Variants in PSD3 observed in about 807,000 individuals in gnomAD.
The protein encoded by PSD3 is pleckstrin and Sec7 domain containing 3.
In PSD3, 49 loss-of-function variants were observed where a neutral mutation model predicts 105.5. That is an observed-to-expected ratio of 0.46 (90% confidence interval 0.37 to 0.59). The LOEUF (loss-of-function observed/expected upper bound fraction) is 0.59. Among genes scored for constraint, PSD3 ranks in the 20% least tolerant of loss-of-function variants. PSD3 has a pLI of 0.00. For synonymous variants in PSD3, 557 were observed against 457.8 expected (o/e 1.22, Z -2.77); for missense variants, 1,561 against 1,263.8 (o/e 1.24, Z -3.57).
intron 9 of PSD3, among the ~76,000 whole-genome samples, chr8:18,755,484 T>C (rs1331665622): frequency 1.3e-5 from 2 of 151,224 alleles, no homozygotes; most frequent in Non-Finnish European, 2.9e-5. Flanking sequence ...TAACATAACA[T>C]AAAAATGCTC....
intron 11 of PSD3, among the ~76,000 whole-genome samples, chr8:18,621,587 C>A (rs1806112358): frequency 6.6e-6 from 1 of 152,108 alleles, no homozygotes; most frequent in Non-Finnish European, 1.5e-5. Flanking sequence ...TCTAAAACAG[C>A]CAATATTCCA....
intron 1 of PSD3, among the ~76,000 whole-genome samples, chr8:19,049,272 G>C (rs917601304): frequency 6.6e-6 from 1 of 152,158 alleles, no homozygotes; most frequent in Admixed American, 6.5e-5. Flanking sequence ...GGAGCGGAGA[G>C]ACTATCTCCC....
intron 11 of PSD3, among the ~76,000 whole-genome samples, chr8:18,604,178 G>C (rs1315350138): frequency 6.6e-6 from 1 of 152,188 alleles, no homozygotes; most frequent in Non-Finnish European, 1.5e-5. Context: ...TGGATGAATG[G>C]TTATGACCAA....
chr8:19,045,895 C>CA (rs1251957409), intron 1 of PSD3, among the ~76,000 whole-genome samples: 1 of 152,206 alleles, frequency 6.6e-6, no homozygotes, highest in East Asian at 1.9e-4. Context: ...TCAGGGCTTG[C>CA]ATTACGTCTA....
intron 1 of PSD3, among the ~76,000 whole-genome samples, chr8:18,960,190 A>G (rs1823827197): frequency 6.6e-6 from 1 of 152,234 alleles, no homozygotes; most frequent in Non-Finnish European, 1.5e-5. Flanking sequence ...CATCATTTAG[A>G]TGCATGCTCA....
chr8:18,955,335 G>C (rs1223277921), intron 1 of PSD3, among the ~76,000 whole-genome samples: 4 of 152,106 alleles, frequency 2.6e-5, no homozygotes, highest in African/African-American at 9.7e-5. Flanking sequence ...TGAACTCCAG[G>C]ACTCAAGGGA....
intron 2 of PSD3, among the ~76,000 whole-genome samples, chr8:18,876,934 T>G (rs1192400606): frequency 6.6e-6 from 1 of 152,244 alleles, no homozygotes. Flanking sequence ...TGACTAATTA[T>G]GTTGAGCACC....
At chr8:18,871,153 G>C (rs909000252) in intron 3 of PSD3, among the ~76,000 whole-genome samples, 1 of 152,140 alleles carries the variant, frequency 6.6e-6, no homozygotes, top group African/African-American at 2.4e-5. Flanking sequence ...AAGAACCTCT[G>C]TGTTCATACA....
At chr8:19,035,972 C>G (rs1325642313) in intron 1 of PSD3, among the ~76,000 whole-genome samples, 1 of 151,990 alleles carries the variant, frequency 6.6e-6, no homozygotes, top group Non-Finnish European at 1.5e-5. Flanking sequence ...CCAGGCTAGT[C>G]TTGAACTCCT....
intron 8 of PSD3, among the ~76,000 whole-genome samples, chr8:18,769,517 G>A (rs922256165): frequency 3.3e-5 from 5 of 151,902 alleles, no homozygotes; most frequent in African/African-American, 9.7e-5. Flanking sequence ...ATATTCTTTC[G>A]AACCATATAA....
At chr8:19,033,351 G>T (rs1396389446) in intron 1 of PSD3, among the ~76,000 whole-genome samples, 2 of 151,948 alleles carry the variant, frequency 1.3e-5, no homozygotes, top group Admixed American at 6.6e-5. Flanking sequence ...GTAAATGATT[G>T]ATTATAGAAC....
chr8:18,769,072 A>G (rs1174708657), intron 8 of PSD3, among the ~76,000 whole-genome samples: 1 of 151,358 alleles, frequency 6.6e-6, no homozygotes, highest in Non-Finnish European at 1.5e-5. Flanking sequence ...TTCCAACTGT[A>G]TCAGGTCAAA....
At chr8:19,074,890 G>A (rs1829415597) in intron 1 of PSD3, among the ~76,000 whole-genome samples, 1 of 151,418 alleles carries the variant, frequency 6.6e-6, no homozygotes, top group African/African-American at 2.4e-5. Context: ...AACGTGCTGG[G>A]ATTACAGGAG....
intron 1 of PSD3, among the ~76,000 whole-genome samples, chr8:18,998,795 G>C (rs1826218334): frequency 6.7e-6 from 1 of 148,520 alleles, no homozygotes; most frequent in Non-Finnish European, 1.5e-5. Context: ...AGATGAAAGA[G>C]AAATTATGAT....
intron 9 of PSD3, among the ~76,000 whole-genome samples, chr8:18,675,764 A>G (rs1007379563): frequency 6.6e-6 from 1 of 152,192 alleles, no homozygotes; most frequent in African/African-American, 2.4e-5. Context: ...TCTTAATTAA[A>G]ATTAATGTTA....
chr8:18,966,266 T>C (rs1824237370), intron 1 of PSD3, among the ~76,000 whole-genome samples: 4 of 152,142 alleles, frequency 2.6e-5, no homozygotes, highest in Non-Finnish European at 5.9e-5. Context: ...TATACTAGGC[T>C]GTCAAACAGA....
At chr8:18,720,849 A>C (rs1435522879) in intron 9 of PSD3, 1 of 152,170 alleles carries the variant, frequency 6.6e-6, no homozygotes, top group Non-Finnish European at 1.5e-5. Context: ...GCAGTGATTT[A>C]TTATTTGTAG....
At chr8:19,050,990 G>A (rs1156729207) in intron 1 of PSD3, among the ~76,000 whole-genome samples, 1 of 152,108 alleles carries the variant, frequency 6.6e-6, no homozygotes, top group East Asian at 1.9e-4. Flanking sequence ...AAGATCTGTA[G>A]GCTCATAGGA....
chr8:18,557,333 G>A (rs1801142263), intron 14 of PSD3, among the ~76,000 whole-genome samples: 1 of 152,172 alleles, frequency 6.6e-6, no homozygotes, highest in African/African-American at 2.4e-5. Context: ...CAAAAATCTT[G>A]TAGAATGAGG....
Sources: gnomAD v4.1 joint callset for allele counts (sites outside exome capture counted in the v4.1 genomes callset) on GRCh38, gnomAD v4.1.1 for gene constraint, MANE v1.5 for transcripts, NCBI Gene and HGNC (gene_info 2026-07-23, HGNC 2026-07-21) for gene names.